Variants in PARN observed in about 807,000 individuals in gnomAD.
PARN encodes the protein poly(A)-specific ribonuclease PARN.
Under a neutral mutation model 102.8 loss-of-function variants are expected in PARN, and 71 were observed. The ratio of observed to expected loss-of-function variants is 0.69; its 90% CI spans 0.57 to 0.84. The LOEUF is 0.84. Among genes scored for constraint, PARN ranks in the 40% least tolerant of loss-of-function variants. The probability of loss-of-function intolerance (pLI) is 0.00; values close to 1 mark genes in which losing one functional copy is unlikely to be tolerated. For missense variants in PARN, 782 were observed against 760.9 expected (o/e 1.03, Z -0.33); for synonymous variants, 261 against 252.9 (o/e 1.03, Z -0.30).
intron 18 of PARN, among the ~76,000 whole-genome samples, chr16:14,578,331 CAAAAAAAAAAA>C (rs1199897215): frequency 6.7e-5 from 3 of 44,964 alleles, no homozygotes; most frequent in African/African-American, 1.8e-4. Context: ...TCTGTCTCAC[CAAAAAAAAAAA>C]AAAAAAAAAA....
chr16:14,583,719 A>T lies in PARN; in HGVS notation c.1081+628T>A, dbSNP rs569819763. On this transcript the variant is annotated intron_variant, in intron 16 of 23. Coordinates refer to ENST00000437198, the MANE Select transcript of PARN (RefSeq NM_002582.4). ...CCATGTCTTTAGAAGTTTTCAGGCT[A>T]CAACTAATGGCTCGCTAATCACCGT... Among the ~76,000 whole-genome samples the T allele has an allele frequency of 7.2e-5, 11 of 152,338 alleles. No individual in the cohort carries two copies. In the South Asian group the frequency reaches 2.3e-3, roughly 32 times the overall value.
At chr16:14,629,537 T>C (rs371867994) in intron 2 of PARN, 60 bp downstream of exon 2, 47 of 1,234,002 alleles carry the variant, frequency 3.8e-5, no homozygotes, top group African/African-American at 7.4e-5. Flanking sequence ...GGCTGGGGGA[T>C]TGAAGGAGCC....
At chr16:14,589,831 C>T (rs991088482) in intron 13 of PARN, among the ~76,000 whole-genome samples, 2 of 151,930 alleles carry the variant, frequency 1.3e-5, no homozygotes, top group African/African-American at 4.8e-5. Context: ...TGCACCACTG[C>T]ACTCCAGCCT....
chr16:14,591,425 A>C (rs1217546435), intron 13 of PARN, among the ~76,000 whole-genome samples: 3 of 152,060 alleles, frequency 2.0e-5, no homozygotes, highest in Non-Finnish European at 4.4e-5. Flanking sequence ...AAATAAGAAA[A>C]AGATTAGTCC....
At chr16:14,551,936 G>C (rs1451229253) in intron 21 of PARN, 85 bp downstream of exon 21, 3 of 814,810 alleles carry the variant, frequency 3.7e-6, no homozygotes, top group African/African-American at 3.4e-5. Context: ...AGCTGACTGA[G>C]CCCATAGCTT....
intron 21 of PARN, among the ~76,000 whole-genome samples, chr16:14,526,060 C>T (rs1241769117): frequency 6.6e-6 from 1 of 152,002 alleles, no homozygotes; most frequent in South Asian, 2.1e-4. Context: ...TTAAGTGATT[C>T]GCCCACCTCA....
At chr16:14,476,532 A>G (rs1377151539) in intron 22 of PARN, among the ~76,000 whole-genome samples, 1 of 152,214 alleles carries the variant, frequency 6.6e-6, no homozygotes, top group Non-Finnish European at 1.5e-5. Flanking sequence ...CACAGGCAAT[A>G]TGTAAATGAA....
At position 14,629,665 on chromosome 16, in the gene PARN, C is replaced by G; in HGVS notation, c.29G>C (p.Ser10Thr). The change falls in exon 2 of 24, where the codon AGT becomes ACT. Residue 10 changes from serine to threonine, a missense_variant. By Grantham distance (58) the Ser-to-Thr change is moderately conservative. Transcript: ENST00000437198. MEIIRSNFK[S>T]NLHKVYQAIE... is the part of the protein sequence containing the mutation. ...GGCCTGGTACACTTTGTGAAGATTA[C>G]TCTTAAAATCTGCGGAGAAACCGAA... The G allele has an allele frequency of 6.2e-7, 1 of 1,612,184 alleles. No homozygotes were observed. Among genetic ancestry groups the G allele is most frequent in the Non-Finnish European group, 8.5e-7 (1 of 1,178,198 alleles).
chr16:14,573,735 G>A (rs943811683), intron 18 of PARN, among the ~76,000 whole-genome samples: 7 of 152,146 alleles, frequency 4.6e-5, no homozygotes, highest in Admixed American at 3.9e-4. Context: ...TGAGTCTCAC[G>A]AGATCTGGTG....
chr16:14,539,568 T>C (rs1307118588), intron 21 of PARN, among the ~76,000 whole-genome samples: 1 of 152,242 alleles, frequency 6.6e-6, no homozygotes, highest in Non-Finnish European at 1.5e-5. Flanking sequence ...AATAAGATTC[T>C]CAGTCAGTAT....
chr16:14,545,273 T>C (rs1014424710), intron 21 of PARN, among the ~76,000 whole-genome samples: 1 of 152,216 alleles, frequency 6.6e-6, no homozygotes, highest in South Asian at 2.1e-4. Flanking sequence ...TTCAAAAACA[T>C]AGACCTTATG....
chr16:14,483,753 C>G (rs553001559), intron 21 of PARN, among the ~76,000 whole-genome samples: 1 of 151,934 alleles, frequency 6.6e-6, no homozygotes, highest in African/African-American at 2.4e-5. Context: ...AACTTGAAAA[C>G]TTTGCTGTCA....
intron 21 of PARN, 103 bp from the exon 22 acceptor site, chr16:14,482,930 C>T: frequency 1.1e-6 from 1 of 942,326 alleles, no homozygotes. Context: ...GGAGCCCCAT[C>T]AGGCCTGAGG....
intron 18 of PARN, among the ~76,000 whole-genome samples, chr16:14,580,213 G>A (rs1018306573): frequency 2.6e-5 from 4 of 151,972 alleles, no homozygotes; most frequent in Admixed American, 6.6e-5. Flanking sequence ...TTCATGATCC[G>A]CCTGCCTCAG....
chr16:14,451,246 T>C (rs558409904), intron 22 of PARN, among the ~76,000 whole-genome samples: 4 of 152,322 alleles, frequency 2.6e-5, no homozygotes, highest in African/African-American at 7.2e-5. Flanking sequence ...CTCCTCCTGC[T>C]CAACATCACT....
chr16:14,542,043 C>T (rs1395178196), intron 21 of PARN, among the ~76,000 whole-genome samples: 1 of 152,092 alleles, frequency 6.6e-6, no homozygotes, highest in Admixed American at 6.5e-5. Flanking sequence ...CTTGCACTGT[C>T]ACCCAGGCTG....
intron 10 of PARN, among the ~76,000 whole-genome samples, chr16:14,605,763 T>C (rs1246547482): frequency 6.6e-6 from 1 of 152,218 alleles, no homozygotes; most frequent in Non-Finnish European, 1.5e-5. Context: ...ATCACAATTC[T>C]ATCAGTGTAC....
chr16:14,598,688 G>A (rs766684063), intron 12 of PARN, among the ~76,000 whole-genome samples: 81 of 152,202 alleles, frequency 5.3e-4, no homozygotes, highest in Non-Finnish European at 9.8e-4. Flanking sequence ...TTGAGCAAGA[G>A]AAGTCCTCGT....
intron 21 of PARN, among the ~76,000 whole-genome samples, chr16:14,518,510 T>C (rs1048419370): frequency 6.6e-6 from 1 of 151,840 alleles, no homozygotes; most frequent in Non-Finnish European, 1.5e-5. Context: ...CGTACTACTA[T>C]GCAGTAATCT....
Sources: gnomAD v4.1 joint callset for allele counts (sites outside exome capture counted in the v4.1 genomes callset) on GRCh38, gnomAD v4.1.1 for gene constraint, MANE v1.5 for transcripts, NCBI Gene and HGNC (gene_info 2026-07-23, HGNC 2026-07-21) for gene names.